The following PLPPR1 variants were observed in gnomAD, a reference collection of about 807,000 sequenced individuals.
PLPPR1 encodes phospholipid phosphatase-related protein type 1.
Under a neutral mutation model 33.1 loss-of-function variants are expected in PLPPR1, and 10 were observed. The ratio of observed to expected loss-of-function variants is 0.30; its 90% CI spans 0.19 to 0.51. PLPPR1 has a LOEUF of 0.51. Ranked by LOEUF, PLPPR1 falls within the 20% of genes least tolerant of loss-of-function variation. PLPPR1 has a pLI of 0.97. For synonymous variants in PLPPR1, 151 were observed against 151.0 expected (o/e 1.00, Z 0.00); for missense variants, 304 against 408.1 (o/e 0.74, Z 2.20).
chr9:101,034,925 A>G (rs1284444572), intron 1 of PLPPR1, among the ~76,000 whole-genome samples: 1 of 152,146 alleles, frequency 6.6e-6, no homozygotes, highest in African/African-American at 2.4e-5. Context: ...CGGCTGTCAT[A>G]AGCCTAGGTA....
chr9:101,131,844 C>T (rs1448042630), intron 1 of PLPPR1, among the ~76,000 whole-genome samples: 1 of 152,156 alleles, frequency 6.6e-6, no homozygotes, highest in Non-Finnish European at 1.5e-5. Context: ...TTAGCTTTGC[C>T]ACTTACTGGC....
intron 1 of PLPPR1, among the ~76,000 whole-genome samples, chr9:101,146,869 A>G (rs1266617089): frequency 2.0e-5 from 3 of 152,332 alleles, no homozygotes; most frequent in South Asian, 2.1e-4. Flanking sequence ...TAATTTTGCA[A>G]TTGTAAGCCT....
chr9:101,291,073 C>T (rs544446109), intron 4 of PLPPR1, among the ~76,000 whole-genome samples: 2 of 152,244 alleles, frequency 1.3e-5, no homozygotes, highest in African/African-American at 4.8e-5. Context: ...AATCGGGTCA[C>T]TCCCACCCTA....
chr9:101,155,190 A>T (rs1831662653), intron 1 of PLPPR1, among the ~76,000 whole-genome samples: 1 of 152,182 alleles, frequency 6.6e-6, no homozygotes, highest in South Asian at 2.1e-4. Context: ...GAGTAGGGTG[A>T]CTGACATTCA....
chr9:101,068,255 C>G (rs1376333304), intron 1 of PLPPR1, among the ~76,000 whole-genome samples: 1 of 151,954 alleles, frequency 6.6e-6, no homozygotes, highest in African/African-American at 2.4e-5. Context: ...AAATACTTCT[C>G]AAATTTTGTA....
At chr9:101,297,381 C>T (rs1399590009) in intron 4 of PLPPR1, among the ~76,000 whole-genome samples, 2 of 152,142 alleles carry the variant, frequency 1.3e-5, no homozygotes, top group Non-Finnish European at 2.9e-5. Context: ...TAGGCTTCTG[C>T]TTCACCCCAC....
chr9:101,172,905 C>T (rs562792716), intron 1 of PLPPR1, among the ~76,000 whole-genome samples: 2 of 152,154 alleles, frequency 1.3e-5, no homozygotes, highest in Non-Finnish European at 2.9e-5. Flanking sequence ...TGCCTCATGT[C>T]CAATGTCTTG....
At chr9:101,202,874 A>G (rs1826518048) in intron 2 of PLPPR1, among the ~76,000 whole-genome samples, 1 of 152,196 alleles carries the variant, frequency 6.6e-6, no homozygotes, top group African/African-American at 2.4e-5. Flanking sequence ...TAGTCAGTGT[A>G]CTTCTGAATC....
chr9:101,280,270 A>G (rs1255190732), intron 3 of PLPPR1, among the ~76,000 whole-genome samples: 1 of 152,158 alleles, frequency 6.6e-6, no homozygotes, highest in East Asian at 1.9e-4. Flanking sequence ...GATCAATAAC[A>G]AGTAATAAGA....
intron 1 of PLPPR1, among the ~76,000 whole-genome samples, chr9:101,081,309 TCC>T (rs1830615911): frequency 6.6e-6 from 1 of 151,994 alleles, no homozygotes; most frequent in East Asian, 1.9e-4. Context: ...TCTGCCTCCC[TCC>T]CAGGTTCAAG....
At chr9:101,112,989 T>C (rs1251282700) in intron 1 of PLPPR1, among the ~76,000 whole-genome samples, 1 of 152,244 alleles carries the variant, frequency 6.6e-6, no homozygotes, top group Non-Finnish European at 1.5e-5. Flanking sequence ...TTCTTTCTTC[T>C]AGTTTTTTAC....
chr9:101,314,765 T>A (rs868641181), intron 6 of PLPPR1, among the ~76,000 whole-genome samples: 98 of 145,870 alleles, frequency 6.7e-4, no homozygotes, highest in African/African-American at 2.3e-3. Context: ...AAAAAAAAAA[T>A]ATCTGCAACA....
chr9:101,184,670 A>T (rs1396561068), intron 1 of PLPPR1, among the ~76,000 whole-genome samples: 1 of 152,008 alleles, frequency 6.6e-6, no homozygotes, highest in Non-Finnish European at 1.5e-5. Context: ...ACTTCATTGT[A>T]TTAAGAAGAA....
At chr9:101,161,007 C>T (rs430336) in intron 1 of PLPPR1, among the ~76,000 whole-genome samples, 92,339 of 151,970 alleles carry the variant, frequency 0.61, 29,478 homozygotes, top group Non-Finnish European at 0.72. Flanking sequence ...ACTTGTGCTT[C>T]AATGAATAGC....
chr9:101,266,516 G>A (rs1828002097), intron 2 of PLPPR1, among the ~76,000 whole-genome samples: 1 of 152,180 alleles, frequency 6.6e-6, no homozygotes, highest in African/African-American at 2.4e-5. Flanking sequence ...CTCGTGGTGG[G>A]TGGTCAGTTC....
chr9:101,239,668 T>C (rs772364231), intron 2 of PLPPR1, among the ~76,000 whole-genome samples: 1 of 152,202 alleles, frequency 6.6e-6, no homozygotes, highest in South Asian at 2.1e-4. Context: ...TAACTAGGGA[T>C]GTTGAACATT....
intron 1 of PLPPR1, among the ~76,000 whole-genome samples, chr9:101,150,445 A>G (rs10119805): frequency 1.0e-3 from 155 of 152,338 alleles, no homozygotes; most frequent in African/African-American, 3.4e-3. Flanking sequence ...TCTGAAGAAT[A>G]TATTTATGTA....
chr9:101,219,319 T>C (rs545345139), intron 2 of PLPPR1, among the ~76,000 whole-genome samples: 2 of 152,206 alleles, frequency 1.3e-5, no homozygotes, highest in Non-Finnish European at 2.9e-5. Context: ...TCACTCCAGC[T>C]ACCTGGTACG....
At chr9:101,264,590 G>C (rs1464798364) in intron 2 of PLPPR1, among the ~76,000 whole-genome samples, 2 of 152,194 alleles carry the variant, frequency 1.3e-5, no homozygotes, top group African/African-American at 4.8e-5. Flanking sequence ...CATGGGGTTG[G>C]AGAGCATGTC....
Sources: gnomAD v4.1 joint callset for allele counts (sites outside exome capture counted in the v4.1 genomes callset) on GRCh38, gnomAD v4.1.1 for gene constraint, MANE v1.5 for transcripts, NCBI Gene and HGNC (gene_info 2026-07-23, HGNC 2026-07-21) for gene names.